Variants in DNAH12 observed in about 807,000 individuals in gnomAD.
DNAH12 encodes the protein axonemal beta dynein heavy chain 12.
DNAH12 carries 285 observed loss-of-function variants against 371.5 expected under a neutral mutation model. The observed-to-expected ratio is 0.77, with a 90% confidence interval of 0.70 to 0.85. The LOEUF is 0.85. Among genes scored for constraint, DNAH12 ranks in the 40% least tolerant of loss-of-function variants. The pLI is 0.00. For synonymous variants in DNAH12, 1,200 were observed against 1,213.0 expected (o/e 0.99, Z 0.22); for missense variants, 3,611 against 3,689.4 (o/e 0.98, Z 0.55).
At chr3:57,448,041 C>T (rs1008515705) in intron 25 of DNAH12, among the ~76,000 whole-genome samples, 3 of 152,140 alleles carry the variant, frequency 2.0e-5, no homozygotes, top group African/African-American at 7.2e-5. Context: ...CTGAAAACCT[C>T]GGGCTCTTCC....
In DNAH12 at chr3:57,408,350, T is replaced by C. The variant is rs1467874110; in HGVS notation, c.6206A>G (p.Tyr2069Cys). ...VRIFSSIVAFYLRTHEFPPEY... is the reference protein window; with the variant it reads ...VRIFSSIVAFCLRTHEFPPEY... The stretch of plus-strand genomic sequence containing the variant: ...TGGAGGAAATTCATGAGTTCTAAGG[T>C]AGAATGCTACAATAGATGAGAAGAT... The change falls in exon 40 of 74, where the codon TAC becomes TGC. Residue 2069 changes from tyrosine (Y) to cysteine (C), a missense_variant. Tyr to Cys is a radical substitution (Grantham distance 194, BLOSUM62 -2). Transcript: ENST00000495027. 1.9e-6 allele frequency: 3 copies of C among 1,551,454 alleles called. No individual in the cohort carries two copies. Among genetic ancestry groups the C allele is most frequent in the Admixed American group, 3.9e-5 (2 of 50,984 alleles).
chr3:57,487,075 A>G (rs550256545), intron 12 of DNAH12, among the ~76,000 whole-genome samples: 5 of 152,230 alleles, frequency 3.3e-5, no homozygotes, highest in Admixed American at 3.3e-4. Context: ...TGGCAAACGA[A>G]GTTGAAGTGG....
chr3:57,330,096 C>G (rs1320510316), intron 62 of DNAH12, among the ~76,000 whole-genome samples: 1 of 151,836 alleles, frequency 6.6e-6, no homozygotes, highest in Admixed American at 6.6e-5. Context: ...GAAATAGGAA[C>G]ACTTTTACAC....
chr3:57,421,688 AAG>A lies in DNAH12; in HGVS notation c.5390_5391del (p.Ser1797PhefsTer10). ...RVWIMACFIF[S>X]LIWSIGGSCD... ...CAACTTCCTCCAATCGACCAAATCA[AAG>A]AGAATATAAAGCAAGCCTGTTGGTG... On this transcript the variant is annotated frameshift_variant, in exon 36 of 74. Coordinates refer to ENST00000495027, the MANE Select transcript of DNAH12 (RefSeq NM_001366028.2). LOFTEE classifies it high-confidence loss of function. The A allele has an allele frequency of 1.3e-6, 2 of 1,551,594 alleles. No individual in the cohort carries two copies. Among genetic ancestry groups the A allele is most frequent in the Non-Finnish European group, 1.7e-6 (2 of 1,146,958 alleles).
chr3:57,434,047 T>C (rs2065042908), intron 30 of DNAH12, among the ~76,000 whole-genome samples: 1 of 152,146 alleles, frequency 6.6e-6, no homozygotes, highest in Non-Finnish European at 1.5e-5. Context: ...GGGAATATAA[T>C]AAACAATCTC....
In DNAH12 at chr3:57,445,216, G is replaced by C; in HGVS notation, c.4383C>G (p.Gly1461=). Residue 1461 remains glycine, a synonymous_variant, in exon 28 of 74, where the codon GGC becomes GGG. Coordinates refer to ENST00000495027, the MANE Select transcript of DNAH12 (RefSeq NM_001366028.2). ...RAVKAVLVAA[G]NLKLKYPNEN... is the part of the protein sequence containing the mutation. ...CATTTGGGTATTTTAGTTTTAGATT[G>C]CCAGCAGCCACTAAAACGGCTTTTA... 6.5e-7 allele frequency: 1 copy of C among 1,549,418 alleles called. No homozygotes were observed. The highest frequency in any genetic ancestry group is 8.7e-7 in the Non-Finnish European group (1 of 1,145,754).
At chr3:57,437,508 G>T (rs775070501) in intron 29 of DNAH12, among the ~76,000 whole-genome samples, 1 of 152,216 alleles carries the variant, frequency 6.6e-6, no homozygotes, top group Non-Finnish European at 1.5e-5. Context: ...AAGGGATGAT[G>T]AGCCTTTCCT....
intron 2 of DNAH12, among the ~76,000 whole-genome samples, chr3:57,535,353 A>G (rs2068993612): frequency 6.6e-6 from 1 of 152,136 alleles, no homozygotes; most frequent in Non-Finnish European, 1.5e-5. Context: ...TGGGCTCATT[A>G]TCATTGGAAT....
intron 72 of DNAH12, 82 bp downstream of exon 72, chr3:57,296,262 C>CTT: frequency 8.9e-7 from 1 of 1,119,046 alleles, no homozygotes. Context: ...TAAAAGAGGA[C>CTT]TTTTTTTTTA....
At chr3:57,380,818 C>G (rs1287609705) in intron 50 of DNAH12, among the ~76,000 whole-genome samples, 11 of 152,056 alleles carry the variant, frequency 7.2e-5, no homozygotes, top group Non-Finnish European at 1.6e-4. Context: ...TTAAGACTTT[C>G]CTCAAGAACA....
chr3:57,555,267 A>C, the DNAH12 span, among the ~76,000 whole-genome samples: 2 of 152,120 alleles, frequency 1.3e-5, no homozygotes, highest in Non-Finnish European at 2.9e-5. Context: ...TAAAATAAAC[A>C]GATAAACAAC....
chr3:57,356,054 G>A (rs893385185), intron 59 of DNAH12, among the ~76,000 whole-genome samples: 3 of 152,164 alleles, frequency 2.0e-5, no homozygotes, highest in Admixed American at 1.3e-4. Flanking sequence ...CAGCTAGTAT[G>A]TGGCAGAACT....
At chr3:57,370,197 T>A (rs2063140222) in intron 55 of DNAH12, among the ~76,000 whole-genome samples, 1 of 148,510 alleles carries the variant, frequency 6.7e-6, no homozygotes, top group South Asian at 2.1e-4. Flanking sequence ...CAGACTATTT[T>A]GCATTTTATT....
intron 43 of DNAH12, among the ~76,000 whole-genome samples, chr3:57,400,750 A>AG (rs1380224444): frequency 6.6e-6 from 1 of 152,212 alleles, no homozygotes; most frequent in Non-Finnish European, 1.5e-5. Flanking sequence ...GCCACAAGTA[A>AG]GGGGGGACTA....
In DNAH12 at chr3:57,542,781, T is replaced by G. The variant is rs750787023; in HGVS notation, c.90A>C (p.Ile30=). ...TACTTTGTGTTGGTGTATCAACGCCTATGTTTTCTGGGAGATGGACAATGG... is the reference window on the plus strand; with the variant it reads ...TACTTTGTGTTGGTGTATCAACGCCGATGTTTTCTGGGAGATGGACAATGG... ...LPPIVHLPEN[I]GVDTPTQSKL... is the part of the protein sequence containing the mutation. The change falls in exon 2 of 74, where the codon ATA becomes ATC. Residue 30 remains isoleucine (I), a synonymous_variant. Coordinates refer to ENST00000495027, the MANE Select transcript of DNAH12 (RefSeq NM_001366028.2). 1 of 1,611,720 alleles carries G rather than the reference T, an allele frequency of 6.2e-7. No individual in the cohort carries two copies. Among genetic ancestry groups the G allele is most frequent in the African/African-American group, 1.3e-5 (1 of 74,650 alleles).
At chr3:57,547,982 A>C (rs2069591642), upstream of DNAH12, among the ~76,000 whole-genome samples, 1 of 152,220 alleles carries the variant, frequency 6.6e-6, no homozygotes. Flanking sequence ...TTGCTTGCAA[A>C]GATCATTTAG....
At chr3:57,524,894 A>C (rs2153398543) in intron 2 of DNAH12, among the ~76,000 whole-genome samples, 1 of 152,326 alleles carries the variant, frequency 6.6e-6, no homozygotes, top group Admixed American at 6.5e-5. Context: ...ATCCAGCTAA[A>C]GGCCTCAAAA....
intron 43 of DNAH12, among the ~76,000 whole-genome samples, chr3:57,396,290 C>CAAAAAAAAAAAAAAA (rs1159748997): frequency 2.4e-3 from 163 of 67,154 alleles, no homozygotes; most frequent in Middle Eastern, 0.011. Flanking sequence ...AAAAAAAAAA[C>CAAAAAAAAAAAAAAA]AAAAAAAAAA....
chr3:57,478,822 C>T (rs1423892390), intron 13 of DNAH12, among the ~76,000 whole-genome samples: 1 of 152,088 alleles, frequency 6.6e-6, no homozygotes, highest in Non-Finnish European at 1.5e-5. Flanking sequence ...TCCAGCCAAA[C>T]TAAGCTTCAT....
Sources: gnomAD v4.1 joint callset for allele counts (sites outside exome capture counted in the v4.1 genomes callset) on GRCh38, gnomAD v4.1.1 for gene constraint, MANE v1.5 for transcripts, NCBI Gene and HGNC (gene_info 2026-07-23, HGNC 2026-07-21) for gene names.